ANK2: variants seen among roughly 807,000 people sequenced by gnomAD.
The protein encoded by ANK2 is ankyrin-2.
In ANK2, 83 loss-of-function variants were observed where a neutral mutation model predicts 360.5. That is an observed-to-expected ratio of 0.23 (90% CI 0.19 to 0.28). ANK2 has a LOEUF of 0.28. ANK2 is among the 10% of genes least tolerant of loss of function. The probability of loss-of-function intolerance (pLI) is 1.00; values close to 1 mark genes in which losing one functional copy is unlikely to be tolerated. For synonymous variants in ANK2, 1,740 were observed against 1,759.5 expected, an observed-to-expected ratio of 0.99 and a Z score of 0.28; for missense variants, 4,201 against 4,795.7, an observed-to-expected ratio of 0.88 and a Z score of 3.66.
chr4:113,063,664 C>A (rs2074443720), intron 1 of ANK2, among the ~76,000 whole-genome samples: 1 of 152,022 alleles, frequency 6.6e-6, no homozygotes, highest in African/African-American at 2.4e-5. Flanking sequence ...TGAGAATTAA[C>A]AGCAAATGTA....
At chr4:112,754,111 GTATATATATA>G in the ANK2 span, among the ~76,000 whole-genome samples, 31,695 of 111,332 alleles carry the variant, frequency 0.28, 4,903 homozygotes, top group Admixed American at 0.33. Context: ...AAAAAAAAAA[GTATATATATA>G]TATATATATA....
intron 9 of ANK2, among the ~76,000 whole-genome samples, chr4:113,246,285 A>G (rs2042833669): frequency 6.6e-6 from 1 of 152,198 alleles, no homozygotes; most frequent in South Asian, 2.1e-4. Context: ...AGCAAGATCT[A>G]GAGAGGCTTT....
chr4:113,002,750 CAAACACCTTGACAGG>C (rs774461996), intron 2 of ANK2, among the ~76,000 whole-genome samples: 3 of 152,184 alleles, frequency 2.0e-5, no homozygotes, highest in Non-Finnish European at 2.9e-5. Context: ...AGATAAAGTC[CAAACACCTTGACAGG>C]ACATAAAGCT....
At chr4:112,945,168 G>T (rs968244242) in intron 2 of ANK2, among the ~76,000 whole-genome samples, 2 of 152,162 alleles carry the variant, frequency 1.3e-5, no homozygotes, top group African/African-American at 4.8e-5. Flanking sequence ...GAATAATGCT[G>T]CCTGGCCTGG....
At chr4:112,764,775 T>G in the ANK2 span, among the ~76,000 whole-genome samples, 3 of 150,956 alleles carry the variant, frequency 2.0e-5, no homozygotes. Flanking sequence ...TGGTACGATC[T>G]CAGCTCACCA....
the ANK2 span, among the ~76,000 whole-genome samples, chr4:112,709,488 C>G: frequency 3.3e-5 from 5 of 152,278 alleles, no homozygotes; most frequent in East Asian, 9.6e-4. Flanking sequence ...GTGGCTCATG[C>G]CTGTAATCCC....
At chr4:112,753,681 C>T in the ANK2 span, among the ~76,000 whole-genome samples, 1 of 152,138 alleles carries the variant, frequency 6.6e-6, no homozygotes, top group African/African-American at 2.4e-5. Flanking sequence ...CTCTGGTTAC[C>T]CTCACTGCTA....
intron 2 of ANK2, among the ~76,000 whole-genome samples, chr4:113,039,630 C>T (rs1333743810): frequency 2.6e-5 from 4 of 151,740 alleles, no homozygotes; most frequent in Non-Finnish European, 5.9e-5. Context: ...CGAAAGACAC[C>T]CCACTAGAAT....
chr4:112,946,856 T>G (rs2094573910), intron 2 of ANK2, among the ~76,000 whole-genome samples: 1 of 152,220 alleles, frequency 6.6e-6, no homozygotes, highest in African/African-American at 2.4e-5. Context: ...AGTAGTAATG[T>G]TCTTCAAACA....
At chr4:113,315,011 T>G (rs987689082) in intron 24 of ANK2, among the ~76,000 whole-genome samples, 11 of 146,318 alleles carry the variant, frequency 7.5e-5, no homozygotes, top group Admixed American at 3.3e-4. Flanking sequence ...TCCTAATATC[T>G]TTCTCTCTCT....
In ANK2 at chr4:113,346,012, T is replaced by C; in HGVS notation, c.4361T>C (p.Ile1454Thr). 6.2e-7 allele frequency: 1 copy of C among 1,613,404 alleles called. No homozygotes were observed. The highest frequency in any genetic ancestry group is 8.5e-7 in the Non-Finnish European group (1 of 1,179,432). ...TGCAACTTAAACATCACTTTGCCGA[T>C]TTATACAAAGGTATCGTAAAATCTG... ...AICNLNITLP[I>T]YTKESESDQE... is the part of the protein sequence containing the mutation. The change falls in exon 35 of 46, where the codon ATT becomes ACT. Residue 1454 changes from isoleucine to threonine, a missense_variant. Physicochemically the swap from Ile to Thr is moderately conservative, Grantham distance 89. Coordinates refer to ENST00000357077, the MANE Select transcript of ANK2 (RefSeq NM_001148.6).
chr4:112,951,535 A>G (rs956854395), intron 2 of ANK2, among the ~76,000 whole-genome samples: 6 of 152,030 alleles, frequency 3.9e-5, no homozygotes, highest in Non-Finnish European at 7.4e-5. Flanking sequence ...TTTTCTGATT[A>G]TTTTCTTCAT....
chr4:113,048,379 G>A (rs138708499), upstream of ANK2, among the ~76,000 whole-genome samples: 30 of 126,930 alleles, frequency 2.4e-4, no homozygotes, highest in Non-Finnish European at 3.2e-4. Flanking sequence ...TGCAACCTTC[G>A]CCTCCCGAGT....
chr4:113,037,458 C>A lies in ANK2; in HGVS notation c.21+132944C>A, dbSNP rs537382088. ...TATTGTTATACTCTAAATGTTTTTGCAAATTAACAGGCTGGCAAAAGTTAT... is the reference window on the plus strand; with the variant it reads ...TATTGTTATACTCTAAATGTTTTTGAAAATTAACAGGCTGGCAAAAGTTAT... On this transcript the variant is annotated intron_variant, in intron 2 of 30. Coordinates refer to the ANK2 transcript ENST00000503271. Among the ~76,000 whole-genome samples the A allele has an allele frequency of 2.0e-5, 3 of 151,898 alleles. No homozygotes were observed. The East Asian group carries it at 5.8e-4, about 30-fold the overall frequency.
At chr4:113,107,868 C>T (rs2093825050) in intron 1 of ANK2, among the ~76,000 whole-genome samples, 2 of 152,046 alleles carry the variant, frequency 1.3e-5, no homozygotes, top group South Asian at 4.1e-4. Context: ...ACATAGAACC[C>T]AAATTAGGAT....
intron 26 of ANK2, among the ~76,000 whole-genome samples, chr4:113,325,403 T>C (rs2089242890): frequency 6.6e-6 from 1 of 152,174 alleles, no homozygotes; most frequent in African/African-American, 2.4e-5. Flanking sequence ...GAAGGCAACT[T>C]AGAGTCTATT....
intron 33 of ANK2, 146 bp downstream of exon 33, chr4:113,342,062 C>A: frequency 1.2e-6 from 1 of 820,692 alleles, no homozygotes. Context: ...GGTCAACATC[C>A]AAAATCTGCC....
chr4:113,184,630 T>C (rs1210595815), intron 2 of ANK2, among the ~76,000 whole-genome samples: 1 of 152,220 alleles, frequency 6.6e-6, no homozygotes, highest in African/African-American at 2.4e-5. Context: ...TTTAAGAATC[T>C]TCCAGCCCTT....
intron 4 of ANK2, among the ~76,000 whole-genome samples, chr4:113,200,107 T>C (rs1038328698): frequency 6.6e-6 from 1 of 152,250 alleles, no homozygotes; most frequent in African/African-American, 2.4e-5. Flanking sequence ...CTTTGTAATA[T>C]CATGCTATTT....
Sources: allele counts gnomAD v4.1 joint callset (sites outside exome capture counted in the v4.1 genomes callset), GRCh38; gene constraint gnomAD v4.1.1; transcripts MANE v1.5; gene names NCBI Gene and HGNC (gene_info 2026-07-23, HGNC 2026-07-21).